Variants in ADAMTS2 observed in about 807,000 individuals in gnomAD.
The protein encoded by ADAMTS2 is ADAM metallopeptidase with thrombospondin type 1 motif 2, also known as A disintegrin and metalloproteinase with thrombospondin motifs 2.
A neutral mutation model predicts 123.0 loss-of-function variants in ADAMTS2; 50 were observed. The ratio of observed to expected loss-of-function variants is 0.41; its 90% CI spans 0.32 to 0.51. The LOEUF (loss-of-function observed/expected upper bound fraction) is 0.51, where lower values mean the gene tolerates loss of function less well. Among genes scored for constraint, ADAMTS2 ranks in the 20% least tolerant of loss-of-function variants. The probability of loss-of-function intolerance (pLI) is 0.35; values close to 1 mark genes in which losing one functional copy is unlikely to be tolerated. For missense variants in ADAMTS2, 1,494 were observed against 1,705.2 expected (o/e 0.88, Z 2.18); for synonymous variants, 678 against 695.4 (o/e 0.98, Z 0.39).
intron 2 of ADAMTS2, among the ~76,000 whole-genome samples, chr5:179,283,067 A>AC (rs1275518736): frequency 3.3e-5 from 5 of 150,468 alleles, no homozygotes; most frequent in Non-Finnish European, 7.4e-5. Context: ...CCTCCCCAGC[A>AC]CCCCCCACCT....
intron 2 of ADAMTS2, among the ~76,000 whole-genome samples, chr5:179,321,336 A>G (rs1757167097): frequency 6.6e-6 from 1 of 152,070 alleles, no homozygotes; most frequent in Admixed American, 6.6e-5. Context: ...CCACCGCAGC[A>G]TGTGTGCCAT....
rs1486207621 is a variant in ADAMTS2 at position 179,126,820 on chromosome 5, T to C, written c.2618-690A>G. Among the ~76,000 whole-genome samples, 3 of 151,976 alleles carry C rather than the reference T, an allele frequency of 2.0e-5. No homozygotes were observed. The East Asian group carries it at 5.8e-4, about 30-fold the overall frequency. ...TGGAGGCATCCCAGGAAGCAGAGGC[T>C]GGGGAGGCTGACGTGGTGGCAGGGC... On this transcript the variant is annotated intron_variant, in intron 17 of 21. Transcript: ENST00000251582.
intron 2 of ADAMTS2, among the ~76,000 whole-genome samples, chr5:179,288,036 T>C (rs1318181808): frequency 2.0e-5 from 3 of 152,240 alleles, no homozygotes; most frequent in Non-Finnish European, 4.4e-5. Context: ...ATGTCCTCCA[T>C]GTCTGCTTGT....
In ADAMTS2 at chr5:179,234,630, G is replaced by A. The variant is rs1175514680; in HGVS notation, c.689-26915C>T. On this transcript the variant is annotated intron_variant, in intron 3 of 21. Transcript: ENST00000251582. The surrounding 1 kb of genome is among the most constrained non-coding windows in gnomAD (Gnocchi z 4.7). ...ATGCCAACAAGTCCCAAACAAACCT[G>A]TCACCTTTCCCTACCCCAACCCATC... Among the ~76,000 whole-genome samples, 1 of 151,598 alleles carries A rather than the reference G, an allele frequency of 6.6e-6. No individual in the cohort carries two copies. Among genetic ancestry groups the A allele is most frequent in the Non-Finnish European group, 1.5e-5 (1 of 67,954 alleles).
rs1169503839 is a variant in ADAMTS2 at position 179,225,229 on chromosome 5, TCAGA to T, written c.689-17518_689-17515del. On this transcript the variant is annotated intron_variant, in intron 3 of 21. Coordinates refer to ENST00000251582, the MANE Select transcript of ADAMTS2 (RefSeq NM_014244.5). The surrounding 1 kb of genome is among the most constrained non-coding windows in gnomAD (Gnocchi z 4.5). ...AGGGCTCACCCACATCATGTGCGCT[TCAGA>T]CAAAGGACTAATTTCCTTAATACAT... Among the ~76,000 whole-genome samples the T allele has an allele frequency of 1.3e-5, 2 of 152,200 alleles. No individual in the cohort carries two copies. Among genetic ancestry groups the T allele is most frequent in the African/African-American group, 4.8e-5 (2 of 41,438 alleles).
Position 179,129,992 on chromosome 5 carries a change from G to T in ADAMTS2, c.2397C>A (p.Asp799Glu). The change falls in exon 16 of 22, where the codon GAC becomes GAA. Residue 799 changes from aspartate to glutamate, a missense_variant. By Grantham distance (45) the Asp-to-Glu change is conservative. Transcript: ENST00000251582. This position sits in a 1 kb window ranked among gnomAD's most constrained non-coding sequence, Gnocchi z 4.1. ...TCTGCAGCGTCTCCCGGCCGTCCTC[G>T]TCTCTGTACTCCCACTCCACGCCCA... The part of the protein sequence containing the change: ...IAMGVEWEYR[D>E]EDGRETLQTM... 1 of 1,614,116 alleles carries T rather than the reference G, an allele frequency of 6.2e-7. No homozygotes were observed. The highest frequency in any genetic ancestry group is 8.5e-7 in the Non-Finnish European group (1 of 1,180,038).
At chr5:179,148,936 G>C (rs1763301838) in intron 10 of ADAMTS2, among the ~76,000 whole-genome samples, 1 of 137,592 alleles carries the variant, frequency 7.3e-6, no homozygotes, top group Non-Finnish European at 1.6e-5. Context: ...CTGGCTCCCG[G>C]CCCCTGGGGG....
At chr5:179,168,688 G>A (rs1763759297) in intron 5 of ADAMTS2, among the ~76,000 whole-genome samples, 1 of 152,140 alleles carries the variant, frequency 6.6e-6, no homozygotes, top group South Asian at 2.1e-4. Context: ...GCTCACCAAA[G>A]GTCCCACGAG....
At chr5:179,269,849 TG>T (rs1766480499) in intron 3 of ADAMTS2, among the ~76,000 whole-genome samples, 1 of 152,178 alleles carries the variant, frequency 6.6e-6, no homozygotes, top group East Asian at 1.9e-4. Context: ...TCAGAATGCC[TG>T]GGGGGACACC....
intron 2 of ADAMTS2, among the ~76,000 whole-genome samples, chr5:179,322,534 T>C (rs1181974652): frequency 2.0e-5 from 3 of 151,866 alleles, no homozygotes; most frequent in Non-Finnish European, 4.4e-5. Context: ...TAGAGCTTCA[T>C]TGCCACATCA....
rs1232706680 is a variant in ADAMTS2, at chr5:179,312,803, G to A, written c.534+30964C>T. 1.3e-5 allele frequency among the ~76,000 whole-genome samples: 2 copies of A among 152,186 alleles called. 1 individual carries two copies. Among genetic ancestry groups the A allele is most frequent in the South Asian group, 4.1e-4 (2 of 4,832 alleles). ...CCCCTAGAGGCTCCGGAGGGAGCGCGGCCCTGCCGCCACCTGCGTTTTGCC... is the reference window on the plus strand; with the variant it reads ...CCCCTAGAGGCTCCGGAGGGAGCGCAGCCCTGCCGCCACCTGCGTTTTGCC... On this transcript the variant is annotated intron_variant, in intron 2 of 21. Coordinates refer to ENST00000251582, the MANE Select transcript of ADAMTS2 (RefSeq NM_014244.5). This position sits in a 1 kb window ranked among gnomAD's most constrained non-coding sequence, Gnocchi z 4.2.
intron 2 of ADAMTS2, among the ~76,000 whole-genome samples, chr5:179,293,406 C>T (rs1309318492): frequency 2.0e-5 from 3 of 152,246 alleles, no homozygotes; most frequent in South Asian, 2.1e-4. Context: ...ATTTTCCCTG[C>T]TAACTGCAGT....
chr5:179,305,813 C>T (rs1429544837), intron 2 of ADAMTS2, among the ~76,000 whole-genome samples: 1 of 152,070 alleles, frequency 6.6e-6, no homozygotes, highest in Non-Finnish European at 1.5e-5. Context: ...CTAATGACAT[C>T]ACAGCCATAA....
chr5:179,126,178 C>T, intron 17 of ADAMTS2, 48 bp from the exon 18 acceptor site: 1 of 1,611,690 alleles, frequency 6.2e-7, no homozygotes. Flanking sequence ...CATGCCCTGC[C>T]CGAGGGTGCA....
intron 2 of ADAMTS2, among the ~76,000 whole-genome samples, chr5:179,338,135 T>C (rs1166570382): frequency 6.6e-6 from 1 of 152,158 alleles, no homozygotes; most frequent in Non-Finnish European, 1.5e-5. Flanking sequence ...AGTGCAGCTC[T>C]CTCAGGGAGA....
chr5:179,237,592 T>G (rs1204945566), intron 3 of ADAMTS2, among the ~76,000 whole-genome samples: 1 of 152,196 alleles, frequency 6.6e-6, no homozygotes, highest in Non-Finnish European at 1.5e-5. Context: ...TAAGCGGTGC[T>G]GCCCAGCTCT....
Position 179,181,128 on chromosome 5 carries a change from A to G in ADAMTS2, c.919T>C (p.Leu307=), listed in dbSNP as rs1764038673. 1.2e-6 allele frequency: 2 copies of G among 1,613,938 alleles called. No homozygotes were observed. The highest frequency in any genetic ancestry group is 1.7e-6 in the Non-Finnish European group (2 of 1,179,918). The part of the protein sequence containing the change: ...IVNEIYHDES[L]GAHINVVLVR... ...AGGACCACGTTGATGTGGGCACCCA[A>G]GGACTCGTCATGGTAGATTTCATTG... The change falls in exon 5 of 22, where the codon TTG becomes CTG. Residue 307 remains leucine (L), a synonymous_variant. Coordinates refer to ENST00000251582, the MANE Select transcript of ADAMTS2 (RefSeq NM_014244.5). The surrounding 1 kb of genome is among the most constrained non-coding windows in gnomAD (Gnocchi z 4.1).
At chr5:179,329,199 C>T (rs6867651) in intron 2 of ADAMTS2, among the ~76,000 whole-genome samples, 2,818 of 152,010 alleles carry the variant, frequency 0.019, 88 homozygotes, top group African/African-American at 0.063. Flanking sequence ...TGGTGGCGGG[C>T]GCCTGTAGTC....
intron 12 of ADAMTS2, 67 bp downstream of exon 12, chr5:179,137,702 G>GCGC: frequency 9.9e-6 from 15 of 1,510,844 alleles, no homozygotes; most frequent in Non-Finnish European, 9.8e-6. Context: ...AGAGGCACAA[G>GCGC]CCCCCACCCT....
Sources: gnomAD v4.1 joint callset for allele counts (sites outside exome capture counted in the v4.1 genomes callset) on GRCh38, gnomAD v4.1.1 for gene constraint, Gnocchi (gnomAD v3.1) non-coding constraint, MANE v1.5 for transcripts, NCBI Gene and HGNC (gene_info 2026-07-23, HGNC 2026-07-21) for gene names.